Variants in DTX1 observed in about 807,000 individuals in gnomAD.
DTX1 encodes E3 ubiquitin-protein ligase DTX1.
A neutral mutation model predicts 57.8 loss-of-function variants in DTX1; 26 were observed. The ratio of observed to expected loss-of-function variants is 0.45; its 90% CI spans 0.33 to 0.62. The LOEUF (loss-of-function observed/expected upper bound fraction) is 0.62, where lower values mean the gene tolerates loss of function less well. Ranked by LOEUF, DTX1 falls within the 20% of genes least tolerant of loss-of-function variation. DTX1 has a pLI of 0.02. For synonymous variants in DTX1, 398 were observed against 394.1 expected (o/e 1.01, Z -0.12); for missense variants, 704 against 895.3 (o/e 0.79, Z 2.73).
At chr12:113,058,488 G>A (rs921093559) in intron 2 of DTX1, 37 bp downstream of exon 2, 8 of 1,566,224 alleles carry the variant, frequency 5.1e-6, no homozygotes, top group Middle Eastern at 1.7e-4. Context: ...CCGCCCCGCC[G>A]AGCCATCACT....
rs543451842 is a variant in DTX1, at chr12:113,056,949, G to C, written c.-745+5G>C. The C allele has an allele frequency of 1.3e-5, 2 of 152,720 alleles. No individual in the cohort carries two copies. Among genetic ancestry groups the C allele is most frequent in the South Asian group, 2.1e-4 (1 of 4,832 alleles). The allele number at this position is 152,720 out of a possible 1,614,324, so 9.5% of individuals were successfully genotyped here. On this transcript the variant is annotated splice_donor_5th_base_variant and intron_variant, in intron 1 of 9. Transcript: ENST00000548759. ...AGCCGGAGACGAAGAGAGGCGGTGAGAACGCGGGTGCTTAGGGACCCCACC... is the reference window on the plus strand; with the variant it reads ...AGCCGGAGACGAAGAGAGGCGGTGACAACGCGGGTGCTTAGGGACCCCACC...
In DTX1 at chr12:113,078,099, C is replaced by G; in HGVS notation, c.935C>G (p.Pro312Arg). Residue 312 changes from proline (P) to arginine (R), a missense_variant, in exon 3 of 10, where the codon CCG becomes CGG. Transcript: ENST00000548759. ...TTSVSARASIPPGVPALPVKN... is the reference protein window; with the variant it reads ...TTSVSARASIRPGVPALPVKN... Reference sequence around the variant, plus strand: ...AGCGTGAGCGCGCGCGCCTCCATCCCGCCGGGGTAAGACGGGGCCCAGGGG... The same window carrying G: ...AGCGTGAGCGCGCGCGCCTCCATCCGGCCGGGGTAAGACGGGGCCCAGGGG... 1 of 1,385,742 alleles carries G rather than the reference C, an allele frequency of 7.2e-7. No homozygotes were observed. Among genetic ancestry groups the G allele is most frequent in the Non-Finnish European group, 9.3e-7 (1 of 1,070,860 alleles). The allele number at this position is 1,385,742 out of a possible 1,614,324, so 85.8% of individuals were successfully genotyped here. A position where few individuals can be genotyped will look rare whatever the true frequency, so the allele number is the denominator to read the frequency against.
rs528216457 is a variant in DTX1 at position 113,094,140 on chromosome 12, G to A, written c.1227+41G>A. The A allele has an allele frequency of 1.1e-5, 17 of 1,502,650 alleles. No homozygotes were observed. In the South Asian group the frequency reaches 1.7e-4, roughly 15 times the overall value. 93.1% of individuals were successfully genotyped at this position (1,502,650 alleles called of 1,614,324 possible). On this transcript the variant is annotated intron_variant, in intron 6 of 9. Transcript: ENST00000548759. ...GGGGGCTGGGGGAGGGCCCTGGCAT[G>A]GAGGGGGCAGGAACCCTCACCCCTC...
At chr12:113,061,985 C>G (rs2136423064) in intron 2 of DTX1, among the ~76,000 whole-genome samples, 1 of 151,612 alleles carries the variant, frequency 6.6e-6, no homozygotes, top group South Asian at 2.1e-4. Flanking sequence ...GGATTACAAG[C>G]GTGAGCCACT....
intron 2 of DTX1, among the ~76,000 whole-genome samples, chr12:113,067,258 C>G (rs1046549085): frequency 2.0e-5 from 3 of 151,954 alleles, no homozygotes; most frequent in African/African-American, 7.3e-5. Flanking sequence ...ACAGAGTTTA[C>G]CTGGAATACC....
intron 3 of DTX1, among the ~76,000 whole-genome samples, chr12:113,081,068 G>T (rs913431542): frequency 6.6e-6 from 1 of 152,126 alleles, no homozygotes; most frequent in Non-Finnish European, 1.5e-5. Context: ...AGTCACTGAT[G>T]AAATATTTGA....
At chr12:113,088,650 G>GA (rs1488547974) in intron 3 of DTX1, among the ~76,000 whole-genome samples, 14 of 152,044 alleles carry the variant, frequency 9.2e-5, no homozygotes, top group African/African-American at 2.4e-4. Context: ...TTAGTGCTAT[G>GA]AAAAAAGAAT....
At position 113,093,792 on chromosome 12, in the gene DTX1, A is replaced by G. The variant is rs1276757321; in HGVS notation, c.1165+92A>G. 4 of 1,547,454 alleles carry G rather than the reference A, an allele frequency of 2.6e-6. No individual in the cohort carries two copies. Among genetic ancestry groups the G allele is most frequent in the African/African-American group, 1.4e-5 (1 of 73,398 alleles). Reference sequence around the variant, plus strand: ...CCCTGGTCTCCAACTTATTCTTAGCATTTACTACCTCACCTCCATTGCCTG... The same window carrying G: ...CCCTGGTCTCCAACTTATTCTTAGCGTTTACTACCTCACCTCCATTGCCTG... On this transcript the variant is annotated intron_variant, in intron 5 of 9. Transcript: ENST00000548759. This position sits in a 1 kb window ranked among gnomAD's most constrained non-coding sequence, Gnocchi z 4.2.
At chr12:113,060,537 A>AG (rs1272719100) in intron 2 of DTX1, among the ~76,000 whole-genome samples, 2 of 152,188 alleles carry the variant, frequency 1.3e-5, no homozygotes, top group African/African-American at 2.4e-5. Flanking sequence ...TGGGGTAGGA[A>AG]GGGGCAGAGG....
In DTX1 at chr12:113,093,044, G is replaced by GAC; in HGVS notation, c.942-117_942-116insCA. The GAC allele has an allele frequency of 4.2e-6, 4 of 950,296 alleles. No homozygotes were observed. In the South Asian group the frequency reaches 6.3e-5, roughly 15 times the overall value. The allele number at this position is 950,296 out of a possible 1,614,324, so 58.9% of individuals were successfully genotyped here. A position where few individuals can be genotyped will look rare whatever the true frequency, so the allele number is the denominator to read the frequency against. ...CCTGGAGGTAACTGCAGTTGGCAGAGAGGTACAAAGAGGCCAGGGTGTGTG... is the reference window on the plus strand; with the variant it reads ...CCTGGAGGTAACTGCAGTTGGCAGAGACAGGTACAAAGAGGCCAGGGTGTGTG... On this transcript the variant is annotated intron_variant, in intron 3 of 9. Coordinates refer to ENST00000548759, the MANE Select transcript of DTX1 (RefSeq NM_004416.3). The surrounding 1 kb of genome is among the most constrained non-coding windows in gnomAD (Gnocchi z 4.2).
At position 113,077,921 on chromosome 12, in the gene DTX1, T is replaced by C. The variant is rs1444957153; in HGVS notation, c.757T>C (p.Phe253Leu). 2 of 1,176,928 alleles carry C rather than the reference T, an allele frequency of 1.7e-6. No homozygotes were observed. Among genetic ancestry groups the C allele is most frequent in the African/African-American group, 3.3e-5 (2 of 61,158 alleles). The allele number at this position is 1,176,928 out of a possible 1,614,324, so 72.9% of individuals were successfully genotyped here. A position where few individuals can be genotyped will look rare whatever the true frequency, so the allele number is the denominator to read the frequency against. ...GCTTGCCGTGCGCCCCAGCGCCACC[T>C]TCACAGGCGCCGCGCTCTGGGCAGC... Reference protein sequence around the residue: ...GALAVRPSATFTGAALWAAPA... With the variant: ...GALAVRPSATLTGAALWAAPA... The change falls in exon 3 of 10, where the codon TTC becomes CTC. Residue 253 changes from phenylalanine (F) to leucine (L), a missense_variant. Transcript: ENST00000548759. This position sits in a 1 kb window ranked among gnomAD's most constrained non-coding sequence, Gnocchi z 7.8.
intron 3 of DTX1, among the ~76,000 whole-genome samples, chr12:113,087,182 C>G (rs11066491): frequency 0.069 from 10,429 of 152,164 alleles, 441 homozygotes; most frequent in East Asian, 0.21. Context: ...TCCAATACCA[C>G]TCACACCTCA....
chr12:113,088,149 C>T (rs751016661), intron 3 of DTX1, among the ~76,000 whole-genome samples: 7 of 152,196 alleles, frequency 4.6e-5, no homozygotes, highest in Non-Finnish European at 7.4e-5. Context: ...GCCAGCTGCA[C>T]CACCAACCAG....
At chr12:113,080,038 C>T (rs2044805376) in intron 3 of DTX1, among the ~76,000 whole-genome samples, 1 of 152,150 alleles carries the variant, frequency 6.6e-6, no homozygotes, top group Admixed American at 6.6e-5. Context: ...TACTTTTGCT[C>T]TCCAGGAGGA....
intron 2 of DTX1, among the ~76,000 whole-genome samples, chr12:113,063,475 G>A (rs1461411057): frequency 6.6e-6 from 1 of 152,236 alleles, no homozygotes; most frequent in African/African-American, 2.4e-5. Context: ...TCATATGACT[G>A]GAGCTGGGGA....
chr12:113,097,056 C>T lies in DTX1; in HGVS notation c.*117C>T, dbSNP rs993813435. The T allele has an allele frequency of 1.8e-5, 21 of 1,185,902 alleles. No individual in the cohort carries two copies. The highest frequency in any genetic ancestry group is 2.4e-5 in the Non-Finnish European group (21 of 868,992). 73.5% of individuals were successfully genotyped at this position (1,185,902 alleles called of 1,614,324 possible). A position where few individuals can be genotyped will look rare whatever the true frequency, so the allele number is the denominator to read the frequency against. On this transcript the variant is annotated 3_prime_UTR_variant, in exon 10 of 10. Coordinates refer to ENST00000548759, the MANE Select transcript of DTX1 (RefSeq NM_004416.3). Reference sequence around the variant, plus strand: ...CTGGGGAGGAGCCTGCGGAAGGGGCCGCAGCCATTCAGGGGACCTGCCTGG... The same window carrying T: ...CTGGGGAGGAGCCTGCGGAAGGGGCTGCAGCCATTCAGGGGACCTGCCTGG...
At position 113,093,404 on chromosome 12, in the gene DTX1, C is replaced by T. The variant is rs1566021226; in HGVS notation, c.1004-135C>T. 2 of 1,364,368 alleles carry T rather than the reference C, an allele frequency of 1.5e-6. No individual in the cohort carries two copies. The highest frequency in any genetic ancestry group is 1.9e-6 in the Non-Finnish European group (2 of 1,029,480). 84.5% of individuals were successfully genotyped at this position (1,364,368 alleles called of 1,614,324 possible). ...CGCAGAAAGGCCCTTCAGGGGCCTTCAAGGGGCTGAGTGGGTGGGGCCCAA... is the reference window on the plus strand; with the variant it reads ...CGCAGAAAGGCCCTTCAGGGGCCTTTAAGGGGCTGAGTGGGTGGGGCCCAA... On this transcript the variant is annotated intron_variant, in intron 4 of 9. Coordinates refer to ENST00000548759, the MANE Select transcript of DTX1 (RefSeq NM_004416.3). This position sits in a 1 kb window ranked among gnomAD's most constrained non-coding sequence, Gnocchi z 4.2.
chr12:113,075,964 G>C (rs11066489), intron 2 of DTX1, among the ~76,000 whole-genome samples: 6,562 of 152,016 alleles, frequency 0.043, 183 homozygotes, highest in Non-Finnish European at 0.056. Flanking sequence ...TTCTAGCGAG[G>C]GGGGGACAGA....
intron 2 of DTX1, among the ~76,000 whole-genome samples, chr12:113,069,075 A>G (rs777161946): frequency 2.6e-4 from 39 of 152,308 alleles, no homozygotes; most frequent in Non-Finnish European, 4.9e-4. Flanking sequence ...GTGGCTGAAG[A>G]GTTGACTTAC....
Sources: allele counts gnomAD v4.1 joint callset (sites outside exome capture counted in the v4.1 genomes callset), GRCh38; gene constraint gnomAD v4.1.1; non-coding constraint Gnocchi (gnomAD v3.1); transcripts MANE v1.5; gene names NCBI Gene and HGNC (gene_info 2026-07-23, HGNC 2026-07-21).